Variants in CDH12 observed in about 807,000 individuals in gnomAD.
CDH12 encodes cadherin-12.
A neutral mutation model predicts 74.1 loss-of-function variants in CDH12; 41 were observed. The observed-to-expected ratio is 0.55, with a 90% confidence interval of 0.43 to 0.72. The LOEUF (loss-of-function observed/expected upper bound fraction) is 0.72, where lower values mean the gene tolerates loss of function less well. Ranked by LOEUF, CDH12 falls within the 30% of genes least tolerant of loss-of-function variation. The probability of loss-of-function intolerance (pLI) is 0.00; values close to 1 mark genes in which losing one functional copy is unlikely to be tolerated. For missense variants in CDH12, 945 were observed against 977.2 expected, an observed-to-expected ratio of 0.97 and a Z score of 0.44; for synonymous variants, 399 against 355.0, an observed-to-expected ratio of 1.12 and a Z score of -1.39.
intron 1 of CDH12, among the ~76,000 whole-genome samples, chr5:22,663,400 G>A (rs1362078051): frequency 6.6e-6 from 1 of 152,110 alleles, no homozygotes; most frequent in Non-Finnish European, 1.5e-5. Context: ...TCAACCAGGA[G>A]TGATGGAAAA....
intron 5 of CDH12, among the ~76,000 whole-genome samples, chr5:22,040,532 C>T (rs2150182809): frequency 6.6e-6 from 1 of 152,030 alleles, no homozygotes; most frequent in African/African-American, 2.4e-5. Context: ...AGGTAAAGTC[C>T]AAGAGAGAAT....
At chr5:22,031,163 T>A (rs948845908) in intron 5 of CDH12, among the ~76,000 whole-genome samples, 5 of 151,968 alleles carry the variant, frequency 3.3e-5, no homozygotes, top group Admixed American at 2.0e-4. Context: ...TGAAACTCTG[T>A]CTCTACTAAA....
intron 3 of CDH12, among the ~76,000 whole-genome samples, chr5:22,297,000 ATTG>A (rs1737656128): frequency 6.7e-6 from 1 of 149,932 alleles, no homozygotes; most frequent in Non-Finnish European, 1.5e-5. Flanking sequence ...TTCTTTTTTA[ATTG>A]TTGTTGTTAT....
chr5:22,660,301 T>A (rs1740276650), intron 1 of CDH12, among the ~76,000 whole-genome samples: 1 of 152,220 alleles, frequency 6.6e-6, no homozygotes, highest in Non-Finnish European at 1.5e-5. Context: ...TAGACCCAGT[T>A]AGTTATGACT....
intron 1 of CDH12, among the ~76,000 whole-genome samples, chr5:22,850,793 A>AT (rs1202108942): frequency 4.6e-5 from 7 of 152,058 alleles, no homozygotes; most frequent in Non-Finnish European, 1.0e-4. Flanking sequence ...AAGCCCTTAG[A>AT]TTTTATATTT....
intron 5 of CDH12, among the ~76,000 whole-genome samples, chr5:21,994,683 G>C (rs1736165066): frequency 6.6e-6 from 1 of 152,152 alleles, no homozygotes; most frequent in African/African-American, 2.4e-5. Context: ...TCTTCTACTA[G>C]GTCAAAGTGA....
At chr5:22,145,768 G>A (rs1747127124) in intron 4 of CDH12, among the ~76,000 whole-genome samples, 1 of 152,028 alleles carries the variant, frequency 6.6e-6, no homozygotes, top group Admixed American at 6.6e-5. Context: ...ATACAGTAGG[G>A]ACATCGAAGG....
intron 11 of CDH12, among the ~76,000 whole-genome samples, chr5:21,770,234 A>C (rs1355068433): frequency 6.6e-6 from 1 of 152,330 alleles, no homozygotes; most frequent in East Asian, 1.9e-4. Flanking sequence ...GAAAATGGTA[A>C]AGTACTAATG....
intron 6 of CDH12, among the ~76,000 whole-genome samples, chr5:21,893,971 A>G (rs1002752225): frequency 6.6e-6 from 1 of 152,224 alleles, no homozygotes; most frequent in South Asian, 2.1e-4. Flanking sequence ...TGAAGAAACC[A>G]TTTACAGTAT....
intron 4 of CDH12, among the ~76,000 whole-genome samples, chr5:22,174,809 A>T (rs1747268038): frequency 6.6e-6 from 1 of 152,038 alleles, no homozygotes; most frequent in Admixed American, 6.6e-5. Context: ...ATATATGCAC[A>T]ACCATACAGA....
chr5:22,453,680 A>G (rs1027558366), intron 2 of CDH12, among the ~76,000 whole-genome samples: 6 of 152,174 alleles, frequency 3.9e-5, no homozygotes, highest in African/African-American at 1.4e-4. Flanking sequence ...TAGGGTGGCT[A>G]TAGTGAAAAA....
chr5:21,751,773 G>A lies in CDH12; in HGVS notation c.2349C>T (p.Gly783=), dbSNP rs778839024. The change falls in exon 15 of 15, where the codon GGC becomes GGT. Residue 783 remains glycine (G), a synonymous_variant. Coordinates refer to ENST00000382254, the MANE Select transcript of CDH12 (RefSeq NM_004061.5). ...TATCAGGGTTATAACTCTCTTCTTC[G>A]CCAAACATGTCTGCCAAGACTTTAA... The part of the protein sequence containing the change: ...PRFKVLADMF[G]EEESYNPDKV... 2.5e-6 allele frequency: 4 copies of A among 1,613,622 alleles called. No individual in the cohort carries two copies. The highest frequency in any genetic ancestry group is 2.5e-6 in the Non-Finnish European group (3 of 1,179,882).
At chr5:22,718,484 G>C (rs2126985592) in intron 1 of CDH12, among the ~76,000 whole-genome samples, 1 of 152,280 alleles carries the variant, frequency 6.6e-6, no homozygotes, top group South Asian at 2.1e-4. Flanking sequence ...AACAAACCAA[G>C]TAAAGGTATT....
At chr5:22,507,134 A>G (rs1213462256) in intron 1 of CDH12, among the ~76,000 whole-genome samples, 2 of 152,142 alleles carry the variant, frequency 1.3e-5, no homozygotes, top group East Asian at 3.9e-4. Context: ...GCAGCTTTTA[A>G]TACCGTGTGC....
At chr5:22,003,132 A>AT (rs1348355770) in intron 5 of CDH12, among the ~76,000 whole-genome samples, 4 of 152,052 alleles carry the variant, frequency 2.6e-5, no homozygotes, top group Admixed American at 2.6e-4. Context: ...ATTTGCTTTT[A>AT]TAAATTTATG....
chr5:22,497,855 C>G (rs1170637809), intron 2 of CDH12, among the ~76,000 whole-genome samples: 1 of 151,734 alleles, frequency 6.6e-6, no homozygotes, highest in Non-Finnish European at 1.5e-5. Context: ...GTTGGCTGGG[C>G]TGGTCTCAAA....
rs1746626241 is a variant in CDH12, at chr5:22,486,903, G to C, written c.-428+18367C>G. ...ATCTCCAACTTTCACATCTAGACCTGGAAGTTCATTGAGGTCAAGTGTTTG... is the reference window on the plus strand; with the variant it reads ...ATCTCCAACTTTCACATCTAGACCTCGAAGTTCATTGAGGTCAAGTGTTTG... On this transcript the variant is annotated intron_variant, in intron 2 of 14. Transcript: ENST00000382254. Among the ~76,000 whole-genome samples, 4 of 152,114 alleles carry C rather than the reference G, an allele frequency of 2.6e-5. No homozygotes were observed. In the South Asian group the frequency reaches 8.3e-4, roughly 32 times the overall value.
intron 5 of CDH12, among the ~76,000 whole-genome samples, chr5:22,048,108 T>G (rs1369301352): frequency 6.6e-6 from 1 of 152,146 alleles, no homozygotes; most frequent in Non-Finnish European, 1.5e-5. Context: ...TGGACACATA[T>G]TGGTCATGCA....
intron 1 of CDH12, among the ~76,000 whole-genome samples, chr5:22,698,371 T>G (rs1366394959): frequency 2.6e-5 from 4 of 151,432 alleles, no homozygotes; most frequent in African/African-American, 9.7e-5. Flanking sequence ...TCCGCCCACC[T>G]CGGCCTCCCA....
Sources: allele counts gnomAD v4.1 joint callset (sites outside exome capture counted in the v4.1 genomes callset), GRCh38; gene constraint gnomAD v4.1.1; transcripts MANE v1.5; gene names NCBI Gene and HGNC (gene_info 2026-07-23, HGNC 2026-07-21).